KIF26B: variants seen among roughly 807,000 people sequenced by gnomAD.
KIF26B encodes the protein kinesin-like protein KIF26B.
Under a neutral mutation model 151.2 loss-of-function variants are expected in KIF26B, and 63 were observed. That is an observed-to-expected ratio of 0.42 (90% confidence interval 0.34 to 0.51). The LOEUF (loss-of-function observed/expected upper bound fraction) is 0.51. KIF26B is among the 20% of genes least tolerant of loss of function. KIF26B has a pLI of 0.07. For missense variants in KIF26B, 2,813 were observed against 2,913.6 expected, an observed-to-expected ratio of 0.97 and a Z score of 0.79; for synonymous variants, 1,357 against 1,262.1, an observed-to-expected ratio of 1.08 and a Z score of -1.59.
intron 3 of KIF26B, among the ~76,000 whole-genome samples, chr1:245,382,999 TTA>T: frequency 6.8e-6 from 1 of 146,094 alleles, no homozygotes; most frequent in East Asian, 2.1e-4. Flanking sequence ...AATATATATT[TTA>T]TATATATACA....
intron 5 of KIF26B, among the ~76,000 whole-genome samples, chr1:245,553,025 G>A (rs965479940): frequency 1.3e-5 from 2 of 152,210 alleles, no homozygotes; most frequent in East Asian, 3.9e-4. Flanking sequence ...ATTCCTAGAG[G>A]TGACACCGCT....
At position 245,600,337 on chromosome 1, in the gene KIF26B, C is replaced by T. The variant is rs1324313390; in HGVS notation, c.1351-2240C>T. Among the ~76,000 whole-genome samples the T allele has an allele frequency of 9.5e-5, 14 of 147,794 alleles. No individual in the cohort carries two copies. The East Asian group carries it at 2.7e-3, about 28-fold the overall frequency. ...ACAGGCGTGAGCCACCACGCCTGGC[C>T]GTTTTGTTTTTGAGAGACAAGGTCT... On this transcript the variant is annotated intron_variant, in intron 5 of 14. Transcript: ENST00000407071.
intron 10 of KIF26B, among the ~76,000 whole-genome samples, chr1:245,664,699 TA>T (rs746660212): frequency 6.6e-6 from 1 of 152,234 alleles, no homozygotes; most frequent in Non-Finnish European, 1.5e-5. Flanking sequence ...AAAACTGCTT[TA>T]TATTGTTTAT....
chr1:245,412,901 C>T (rs912965877), intron 3 of KIF26B, among the ~76,000 whole-genome samples: 1 of 152,154 alleles, frequency 6.6e-6, no homozygotes, highest in Non-Finnish European at 1.5e-5. Context: ...GCACACGTGT[C>T]GACACCTGCG....
intron 2 of KIF26B, among the ~76,000 whole-genome samples, chr1:245,340,704 A>G (rs1015486686): frequency 6.6e-6 from 1 of 152,232 alleles, no homozygotes; most frequent in Non-Finnish European, 1.5e-5. Context: ...CAATGAAGAT[A>G]AGAGGCATTC....
chr1:245,590,773 T>C (rs2103136183), intron 5 of KIF26B, among the ~76,000 whole-genome samples: 1 of 151,920 alleles, frequency 6.6e-6, no homozygotes, highest in East Asian at 1.9e-4. Context: ...CTGGGTGTGG[T>C]TGTATGTGTG....
At chr1:245,217,450 C>T (rs996184032) in intron 2 of KIF26B, among the ~76,000 whole-genome samples, 2 of 151,712 alleles carry the variant, frequency 1.3e-5, no homozygotes, top group African/African-American at 4.8e-5. Flanking sequence ...CTGCAACCTC[C>T]GCTGCTGGGG....
intron 5 of KIF26B, among the ~76,000 whole-genome samples, chr1:245,549,996 C>G (rs1029556784): frequency 1.3e-5 from 2 of 152,150 alleles, no homozygotes; most frequent in Non-Finnish European, 2.9e-5. Flanking sequence ...CCAGGCTGGT[C>G]TTGAACTCCT....
intron 2 of KIF26B, among the ~76,000 whole-genome samples, chr1:245,252,681 A>G (rs577377282): frequency 6.6e-6 from 1 of 151,256 alleles, no homozygotes; most frequent in African/African-American, 2.5e-5. Flanking sequence ...CTCTTTTGTC[A>G]TAATTGCAGA....
intron 2 of KIF26B, among the ~76,000 whole-genome samples, 185 bp downstream of exon 2, chr1:245,156,868 G>C (rs1291935406): frequency 1.3e-5 from 2 of 152,178 alleles, no homozygotes; most frequent in African/African-American, 4.8e-5. Flanking sequence ...CCCTTCCTCA[G>C]CCAGGCCGCC....
chr1:245,234,323 C>T (rs1670060772), intron 2 of KIF26B: 2 of 152,270 alleles, frequency 1.3e-5, no homozygotes, highest in Non-Finnish European at 2.9e-5. Context: ...ATCTAACGCC[C>T]CCCTGCCGGG....
At chr1:245,681,623 A>G (rs1423518151) in intron 10 of KIF26B, among the ~76,000 whole-genome samples, 4 of 152,190 alleles carry the variant, frequency 2.6e-5, no homozygotes, top group Non-Finnish European at 4.4e-5. Context: ...GGTAACAGCT[A>G]TAGTACATGA....
At chr1:245,291,127 C>T (rs1233698174) in intron 2 of KIF26B, among the ~76,000 whole-genome samples, 1 of 152,204 alleles carries the variant, frequency 6.6e-6, no homozygotes, top group African/African-American at 2.4e-5. Context: ...CCTCTTGAGG[C>T]CCAGGCTCAA....
Position 245,540,566 on chromosome 1 carries a change from T to C in KIF26B, c.1167-201T>C. 1 of 710,528 alleles carries C rather than the reference T, an allele frequency of 1.4e-6. No homozygotes were observed. The highest frequency in any genetic ancestry group is 2.6e-6 in the Non-Finnish European group (1 of 386,966). The allele number at this position is 710,528 out of a possible 1,614,324, so 44.0% of individuals were successfully genotyped here. On this transcript the variant is annotated intron_variant, in intron 4 of 14. Coordinates refer to ENST00000407071, the MANE Select transcript of KIF26B (RefSeq NM_018012.4). The surrounding 1 kb of genome is among the most constrained non-coding windows in gnomAD (Gnocchi z 4.6). ...TGCTATTTTATGGCTTTGTTTTTCC[T>C]TTTGTCGTATAAATGATTGGGTAGC...
intron 4 of KIF26B, among the ~76,000 whole-genome samples, chr1:245,466,698 G>A (rs1412452113): frequency 6.6e-6 from 1 of 152,176 alleles, no homozygotes; most frequent in Non-Finnish European, 1.5e-5. Flanking sequence ...GGCCAAAGCA[G>A]GTGGATCACT....
At chr1:245,210,875 A>G (rs1444194508) in intron 2 of KIF26B, among the ~76,000 whole-genome samples, 1 of 152,120 alleles carries the variant, frequency 6.6e-6, no homozygotes, top group Non-Finnish European at 1.5e-5. Flanking sequence ...CCTCCTAGAC[A>G]TAGGAAGCCC....
intron 4 of KIF26B, among the ~76,000 whole-genome samples, chr1:245,485,556 G>C (rs112619490): frequency 0.034 from 5,200 of 151,982 alleles, 237 homozygotes; most frequent in African/African-American, 0.1. Flanking sequence ...GCTAACTTTT[G>C]TATTTTTAGT....
chr1:245,530,408 A>G (rs574762704), intron 4 of KIF26B, among the ~76,000 whole-genome samples: 22 of 152,346 alleles, frequency 1.4e-4, no homozygotes, highest in Admixed American at 3.9e-4. Flanking sequence ...ACTATTCACA[A>G]TAGTCAAGAG....
At chr1:245,180,739 G>C (rs960703414) in intron 2 of KIF26B, among the ~76,000 whole-genome samples, 29 of 152,076 alleles carry the variant, frequency 1.9e-4, no homozygotes, top group African/African-American at 7.0e-4. Flanking sequence ...AGGGGTGGGG[G>C]AAGAGAAGGA....
Sources: allele counts gnomAD v4.1 joint callset (sites outside exome capture counted in the v4.1 genomes callset), GRCh38; gene constraint gnomAD v4.1.1; non-coding constraint Gnocchi (gnomAD v3.1); transcripts MANE v1.5; gene names NCBI Gene and HGNC (gene_info 2026-07-23, HGNC 2026-07-21).